The following KCNJ6 variants were observed in gnomAD, a reference collection of about 807,000 sequenced individuals.
KCNJ6 encodes G protein-activated inward rectifier potassium channel 2.
KCNJ6 carries 9 observed loss-of-function variants against 34.2 expected under a neutral mutation model. The ratio of observed to expected loss-of-function variants is 0.26; its 90% CI spans 0.16 to 0.46. The LOEUF is 0.46. KCNJ6 is among the 20% of genes least tolerant of loss of function. The pLI is 1.00. For synonymous variants in KCNJ6, 196 were observed against 207.1 expected (o/e 0.95, Z 0.46); for missense variants, 236 against 531.3 (o/e 0.44, Z 5.46).
chr21:37,784,336 G>A (rs2055183299), intron 2 of KCNJ6, among the ~76,000 whole-genome samples: 1 of 152,166 alleles, frequency 6.6e-6, no homozygotes, highest in South Asian at 2.1e-4. Context: ...AGGCCTGGTT[G>A]CAAGACTGCT....
chr21:37,684,731 C>G (rs2054605643), intron 3 of KCNJ6, among the ~76,000 whole-genome samples: 1 of 152,234 alleles, frequency 6.6e-6, no homozygotes. Flanking sequence ...AGTGTTAGGA[C>G]ATCGGCTGGT....
intron 1 of KCNJ6, among the ~76,000 whole-genome samples, chr21:37,874,693 T>A (rs958254930): frequency 6.6e-6 from 1 of 152,034 alleles, no homozygotes; most frequent in Non-Finnish European, 1.5e-5. Context: ...TGATGAACAC[T>A]GGGAGGAATG....
At chr21:37,662,278 AGT>A (rs1043615408) in intron 3 of KCNJ6, among the ~76,000 whole-genome samples, 1 of 151,756 alleles carries the variant, frequency 6.6e-6, no homozygotes, top group African/African-American at 2.4e-5. Context: ...GACAGGCCTG[AGT>A]GTGTGTTGTT....
intron 3 of KCNJ6, among the ~76,000 whole-genome samples, chr21:37,665,130 G>T (rs1242280350): frequency 6.6e-6 from 1 of 152,126 alleles, no homozygotes; most frequent in Admixed American, 6.5e-5. Flanking sequence ...TTAGTCATTT[G>T]CCAAATGGGT....
At chr21:37,903,215 A>C (rs1293153023) in intron 1 of KCNJ6, among the ~76,000 whole-genome samples, 1 of 152,210 alleles carries the variant, frequency 6.6e-6, no homozygotes, top group African/African-American at 2.4e-5. Flanking sequence ...GGGTGGGGCC[A>C]GGTGGAGATA....
intron 2 of KCNJ6, among the ~76,000 whole-genome samples, chr21:37,747,941 T>G (rs1414643841): frequency 6.6e-6 from 1 of 152,172 alleles, no homozygotes; most frequent in Non-Finnish European, 1.5e-5. Flanking sequence ...CAGGGTAATA[T>G]GGGGGTGCCT....
chr21:37,867,435 T>G (rs968842243), intron 1 of KCNJ6, among the ~76,000 whole-genome samples: 1 of 152,222 alleles, frequency 6.6e-6, no homozygotes, highest in African/African-American at 2.4e-5. Flanking sequence ...ATTTTTATTT[T>G]TAAAAGTTAG....
In KCNJ6 at chr21:37,916,408, G is replaced by T. The variant is rs560956454; in HGVS notation, c.-552C>A. On this transcript the variant is annotated 5_prime_UTR_variant, in exon 1 of 4. Coordinates refer to ENST00000609713, the MANE Select transcript of KCNJ6 (RefSeq NM_002240.5). Reference sequence around the variant, plus strand: ...AATGCTACTCAATTCCAGCCGACTGGCTGAGCCCCGCTGGCAGCGCACGAA... The same window carrying T: ...AATGCTACTCAATTCCAGCCGACTGTCTGAGCCCCGCTGGCAGCGCACGAA... 3 of 152,286 alleles carry T rather than the reference G, an allele frequency of 2.0e-5. No individual in the cohort carries two copies. The highest frequency in any genetic ancestry group is 6.5e-5 in the Admixed American group (1 of 15,302). The allele number at this position is 152,286 out of a possible 1,614,324, so 9.4% of individuals were successfully genotyped here.
intron 3 of KCNJ6, among the ~76,000 whole-genome samples, chr21:37,631,569 A>C (rs906902622): frequency 6.6e-6 from 1 of 152,220 alleles, no homozygotes; most frequent in Non-Finnish European, 1.5e-5. Context: ...TCACAATAGC[A>C]GGACGATTGG....
chr21:37,915,000 T>A (rs2055886541), intron 1 of KCNJ6, among the ~76,000 whole-genome samples: 1 of 151,698 alleles, frequency 6.6e-6, no homozygotes, highest in African/African-American at 2.4e-5. Context: ...TCCACTAACC[T>A]CACCCTCTGT....
chr21:37,779,337 A>G (rs570921757), intron 2 of KCNJ6, among the ~76,000 whole-genome samples: 2 of 152,236 alleles, frequency 1.3e-5, no homozygotes, highest in South Asian at 4.1e-4. Flanking sequence ...TCTGTAGTTC[A>G]TACTCTTCTA....
At chr21:37,679,640 T>C (rs2054582046) in intron 3 of KCNJ6, among the ~76,000 whole-genome samples, 1 of 152,208 alleles carries the variant, frequency 6.6e-6, no homozygotes, top group African/African-American at 2.4e-5. Context: ...ACACTAGTCT[T>C]AACCATTTGT....
chr21:37,780,538 G>A (rs1400636602), intron 2 of KCNJ6, among the ~76,000 whole-genome samples: 1 of 151,866 alleles, frequency 6.6e-6, no homozygotes, highest in Non-Finnish European at 1.5e-5. Context: ...CCACACGAAT[G>A]CAAGATGTTA....
rs537396466 is a variant in KCNJ6 at position 37,614,986 on chromosome 21, C to G, written c.*10173G>C. ...CACACAGGGAGGAACCATGTGATAA[C>G]AGGCCACATGTTTTGTTGATGCCTG... On this transcript the variant is annotated 3_prime_UTR_variant, in exon 4 of 4. Coordinates refer to ENST00000609713, the MANE Select transcript of KCNJ6 (RefSeq NM_002240.5). 6.6e-6 allele frequency: 1 copy of G among 152,302 alleles called. No individual in the cohort carries two copies. The highest frequency in any genetic ancestry group is 2.1e-4 in the South Asian group (1 of 4,826). The allele number at this position is 152,302 out of a possible 1,614,324, so 9.4% of individuals were successfully genotyped here. A position where few individuals can be genotyped will look rare whatever the true frequency, so the allele number is the denominator to read the frequency against.
At chr21:37,825,452 C>T (rs1002975901) in intron 2 of KCNJ6, among the ~76,000 whole-genome samples, 9 of 152,144 alleles carry the variant, frequency 5.9e-5, no homozygotes, top group African/African-American at 2.2e-4. Context: ...CTATGGATAA[C>T]TGGGCAACAT....
At chr21:37,655,770 C>G (rs977986027) in intron 3 of KCNJ6, among the ~76,000 whole-genome samples, 1 of 152,160 alleles carries the variant, frequency 6.6e-6, no homozygotes, top group African/African-American at 2.4e-5. Flanking sequence ...GCATTTTTCC[C>G]CAAAGGTCAT....
intron 3 of KCNJ6, among the ~76,000 whole-genome samples, chr21:37,711,134 C>T (rs998887879): frequency 6.6e-6 from 1 of 152,176 alleles, no homozygotes; most frequent in Non-Finnish European, 1.5e-5. Flanking sequence ...AGCCCACTTT[C>T]GTTTTCTAAA....
At chr21:37,788,944 T>C (rs1379030026) in intron 2 of KCNJ6, among the ~76,000 whole-genome samples, 1 of 152,058 alleles carries the variant, frequency 6.6e-6, no homozygotes, top group Non-Finnish European at 1.5e-5. Flanking sequence ...GAGCCCCCTT[T>C]AGGAAAAAAA....
Position 37,899,476 on chromosome 21 carries a change from C to T in KCNJ6, c.-28+16408G>A, listed in dbSNP as rs117884683. Among the ~76,000 whole-genome samples, 825 of 152,264 alleles carry T rather than the reference C, an allele frequency of 5.4e-3. 5 individuals carry two copies. The highest frequency in any genetic ancestry group is 0.034 in the Middle Eastern group (10 of 294). Reference sequence around the variant, plus strand: ...TTCTCCAGCTCTCTTGTCTCACCCTCAAGTCTAAAAATTATAACAGCATTT... The same window carrying T: ...TTCTCCAGCTCTCTTGTCTCACCCTTAAGTCTAAAAATTATAACAGCATTT... On this transcript the variant is annotated intron_variant, in intron 1 of 3. Coordinates refer to ENST00000609713, the MANE Select transcript of KCNJ6 (RefSeq NM_002240.5).
Sources: allele counts gnomAD v4.1 joint callset (sites outside exome capture counted in the v4.1 genomes callset), GRCh38; gene constraint gnomAD v4.1.1; transcripts MANE v1.5; gene names NCBI Gene and HGNC (gene_info 2026-07-23, HGNC 2026-07-21).